Variants in PHACTR3 observed in about 807,000 individuals in gnomAD.
The protein encoded by PHACTR3 is phosphatase and actin regulator 3, also known as protein phosphatase 1, regulatory subunit 123.
PHACTR3 carries 16 observed loss-of-function variants against 66.8 expected under a neutral mutation model. The observed-to-expected ratio is 0.24, with a 90% CI of 0.16 to 0.36. The LOEUF (loss-of-function observed/expected upper bound fraction) is 0.36, where lower values mean the gene tolerates loss of function less well. PHACTR3 is among the 10% of genes least tolerant of loss of function. The pLI is 1.00. For missense variants in PHACTR3, 647 were observed against 719.9 expected, an observed-to-expected ratio of 0.90 and a Z score of 1.16; for synonymous variants, 323 against 292.1, an observed-to-expected ratio of 1.11 and a Z score of -1.08.
chr20:59,666,876 C>T (rs1187675912), intron 1 of PHACTR3, among the ~76,000 whole-genome samples: 1 of 152,216 alleles, frequency 6.6e-6, no homozygotes, highest in Non-Finnish European at 1.5e-5. Context: ...GAGTGGGCTT[C>T]TGGTCCTTAC....
In PHACTR3 at chr20:59,635,099, C is replaced by CTT. The variant is rs1259762706; in HGVS notation, c.118+29968_118+29969insTT. Among the ~76,000 whole-genome samples the CTT allele has an allele frequency of 4.4e-3, 556 of 125,848 alleles. 2 individuals carry two copies. The highest frequency in any genetic ancestry group is 0.011 in the African/African-American group (387 of 33,766). 82.6% of individuals were successfully genotyped at this position (125,848 alleles called of 152,430 possible). On this transcript the variant is annotated intron_variant, in intron 1 of 12. Transcript: ENST00000371015. ...TGTTCTTTTTTCTTTCTTTCTTTCT[C>CTT]TCTCTTTCTTTCTTTCTTTCTTTCT...
At chr20:59,692,715 A>G (rs6123927) in intron 1 of PHACTR3, among the ~76,000 whole-genome samples, 37,930 of 152,050 alleles carry the variant, frequency 0.25, 5,232 homozygotes, top group East Asian at 0.62. Flanking sequence ...CTGGAGCTCT[A>G]TGGAAAGAGT....
chr20:59,821,608 G>A (rs961733802), intron 8 of PHACTR3, among the ~76,000 whole-genome samples: 1 of 152,144 alleles, frequency 6.6e-6, no homozygotes, highest in Admixed American at 6.5e-5. Context: ...AGGGAGATGG[G>A]GTAGGAAACT....
chr20:59,824,232 AC>A (rs554332648), intron 8 of PHACTR3, among the ~76,000 whole-genome samples: 384 of 151,932 alleles, frequency 2.5e-3, no homozygotes, highest in Non-Finnish European at 4.3e-3. Flanking sequence ...CTGGGACCCC[AC>A]CCCCCATACC....
At chr20:59,680,081 C>G (rs1327583002) in intron 1 of PHACTR3, among the ~76,000 whole-genome samples, 1 of 152,052 alleles carries the variant, frequency 6.6e-6, no homozygotes, top group Non-Finnish European at 1.5e-5. Context: ...TTCTGCTCTC[C>G]CTCCCTCCTT....
At chr20:59,732,218 T>A (rs2038790290) in intron 1 of PHACTR3, among the ~76,000 whole-genome samples, 1 of 152,192 alleles carries the variant, frequency 6.6e-6, no homozygotes. Context: ...GGAAAACACT[T>A]TGGGAAACAC....
chr20:59,730,025 T>C (rs1213240477), intron 1 of PHACTR3, among the ~76,000 whole-genome samples: 3 of 152,144 alleles, frequency 2.0e-5, no homozygotes, highest in Non-Finnish European at 4.4e-5. Context: ...TGAGCACAGA[T>C]GGACCTTCAG....
intron 4 of PHACTR3, among the ~76,000 whole-genome samples, chr20:59,758,563 CAAG>C (rs1031240105): frequency 6.6e-6 from 1 of 152,138 alleles, no homozygotes; most frequent in African/African-American, 2.4e-5. Context: ...CTGGGGATAA[CAAG>C]AGGTGACACA....
intron 1 of PHACTR3, among the ~76,000 whole-genome samples, chr20:59,596,167 ACT>A (rs1483145371): frequency 6.6e-6 from 1 of 152,008 alleles, no homozygotes; most frequent in Non-Finnish European, 1.5e-5. Flanking sequence ...GACAGAGCTC[ACT>A]CTGTTGCCCA....
At chr20:59,598,756 ACGT>A (rs1288273828) in intron 1 of PHACTR3, among the ~76,000 whole-genome samples, 1 of 152,176 alleles carries the variant, frequency 6.6e-6, no homozygotes, top group African/African-American at 2.4e-5. Flanking sequence ...GTTCAAGGCT[ACGT>A]CGTCAAGCCA....
intron 11 of PHACTR3, 65 bp downstream of exon 11, chr20:59,841,600 C>T (rs1359470727): frequency 2.6e-6 from 4 of 1,523,432 alleles, no homozygotes; most frequent in Admixed American, 4.1e-5. Context: ...TATGTCATGC[C>T]AGGGAGTTTA....
chr20:59,627,881 T>C (rs1386063588), intron 1 of PHACTR3, among the ~76,000 whole-genome samples: 1 of 152,222 alleles, frequency 6.6e-6, no homozygotes, highest in Non-Finnish European at 1.5e-5. Context: ...ATATCTATAA[T>C]CTATTTTTCA....
Position 59,635,165 on chromosome 20 carries a change from CTTTCCTTT to C in PHACTR3, c.118+30034_118+30041del, listed in dbSNP as rs1238757674. 1.7e-4 allele frequency among the ~76,000 whole-genome samples: 7 copies of C among 40,004 alleles called. 1 individual carries two copies. The highest frequency in any genetic ancestry group is 3.2e-4 in the African/African-American group (3 of 9,440). The allele number at this position is 40,004 out of a possible 152,430, so 26.2% of individuals were successfully genotyped here. On this transcript the variant is annotated intron_variant, in intron 1 of 12. Transcript: ENST00000371015. The stretch of plus-strand genomic sequence containing the variant: ...TTTCTTTCTTTTTCTTTCTTTCTTT[CTTTCCTTT>C]CTTTCTTTCTTTCTTTCTTTCTCTT...
rs1017552854 is a variant in PHACTR3 at position 59,595,644 on chromosome 20, T to C, written c.109+18027T>C. On this transcript the variant is annotated intron_variant, in intron 1 of 12. Coordinates refer to the PHACTR3 transcript ENST00000359926. ...AGTTCAACTCTGTCGTTACTGATTTTCTGCTTGATGGGTCTGTTCGTTTCT... is the reference window on the plus strand; with the variant it reads ...AGTTCAACTCTGTCGTTACTGATTTCCTGCTTGATGGGTCTGTTCGTTTCT... Among the ~76,000 whole-genome samples the C allele has an allele frequency of 2.0e-5, 3 of 152,320 alleles. No individual in the cohort carries two copies. The South Asian group carries it at 6.2e-4, about 32-fold the overall frequency.
At chr20:59,796,646 A>AT (rs552671513) in intron 7 of PHACTR3, among the ~76,000 whole-genome samples, 36 of 152,020 alleles carry the variant, frequency 2.4e-4, no homozygotes, top group South Asian at 1.9e-3. Context: ...GTTAGTAGAG[A>AT]TTTTTTTCCC....
In PHACTR3 at chr20:59,677,291, C is replaced by T. The variant is rs571258273; in HGVS notation, c.119-65816C>T. Among the ~76,000 whole-genome samples the T allele has an allele frequency of 5.3e-5, 8 of 152,322 alleles. 1 individual carries two copies. The highest frequency in any genetic ancestry group is 1.2e-4 in the African/African-American group (5 of 41,570). On this transcript the variant is annotated intron_variant, in intron 1 of 12. Transcript: ENST00000371015. ...CTTCATTTAGTGTCAGGAACATATG[C>T]TCCACTATCAGGAGTCATTGTCCTT...
chr20:59,594,579 G>A (rs1272854738), intron 1 of PHACTR3, among the ~76,000 whole-genome samples: 3 of 152,082 alleles, frequency 2.0e-5, no homozygotes, highest in Non-Finnish European at 4.4e-5. Context: ...ACATAGAATT[G>A]TTCAGAGTAT....
intron 5 of PHACTR3, among the ~76,000 whole-genome samples, chr20:59,771,964 C>T (rs2040376783): frequency 6.6e-6 from 1 of 152,218 alleles, no homozygotes; most frequent in Non-Finnish European, 1.5e-5. Context: ...CCAGTCCTGC[C>T]AGGACGCTTT....
intron 1 of PHACTR3, among the ~76,000 whole-genome samples, chr20:59,640,558 T>A (rs762835449): frequency 1.3e-5 from 2 of 152,172 alleles, no homozygotes; most frequent in Non-Finnish European, 2.9e-5. Context: ...CAGAGGATGA[T>A]CTGCACAGCC....
Sources: gnomAD v4.1 joint callset for allele counts (sites outside exome capture counted in the v4.1 genomes callset) on GRCh38, gnomAD v4.1.1 for gene constraint, MANE v1.5 for transcripts, NCBI Gene and HGNC (gene_info 2026-07-23, HGNC 2026-07-21) for gene names.